DRP2: variants seen among roughly 807,000 people sequenced by gnomAD.
DRP2 encodes the protein dystrophin related protein 2.
Under a neutral mutation model 78.2 loss-of-function variants are expected in DRP2, and 29 were observed. That is an observed-to-expected ratio of 0.37 (90% CI 0.28 to 0.51). DRP2 has a LOEUF of 0.51. Ranked by LOEUF, DRP2 falls within the 20% of genes least tolerant of loss-of-function variation. DRP2 has a pLI of 0.94. For synonymous variants in DRP2, 290 were observed against 281.9 expected (o/e 1.03, Z -0.29); for missense variants, 686 against 770.6 (o/e 0.89, Z 1.30).
intron 6 of DRP2, 65 bp downstream of exon 6, chrX:101,239,166 C>T: frequency 8.9e-7 from 1 of 1,128,486 alleles, no homozygotes; most frequent in African/African-American, 1.8e-5. Flanking sequence ...TGAACAAACA[C>T]CCTCCTGCCT....
chrX:101,224,181 GGTTTTTTTTGTTTTTTTTTTTTTTTTTT>G (rs1921998094), intron 1 of DRP2, among the ~76,000 whole-genome samples: 1 of 47,654 alleles, frequency 2.1e-5, no homozygotes, highest in Non-Finnish European at 3.7e-5. Flanking sequence ...ATGTTTGCTG[GGTTTTTTTTGTTTTTTTTTTTTTTTTTT>G]TTTTTTTTTT....
chrX:101,259,050 C>T (rs989224498), intron 22 of DRP2, among the ~76,000 whole-genome samples: 5 of 111,634 alleles, frequency 4.5e-5, no homozygotes, highest in African/African-American at 1.6e-4. Flanking sequence ...GCTCTGGAGT[C>T]AGGCAGCTCT....
At chrX:101,241,147 T>C (rs764384388) in intron 6 of DRP2, among the ~76,000 whole-genome samples, 1 of 112,245 alleles carries the variant, frequency 8.9e-6, no homozygotes, top group East Asian at 2.8e-4. Flanking sequence ...TATGAGGAAA[T>C]CCTCATGATA....
intron 4 of DRP2, among the ~76,000 whole-genome samples, chrX:101,236,497 A>G (rs1922511818): frequency 8.9e-6 from 1 of 111,750 alleles, no homozygotes; most frequent in Non-Finnish European, 1.9e-5. Flanking sequence ...CGTTCTATCC[A>G]TAAGTTTTCA....
chrX:101,235,110 A>G (rs1033336798), intron 3 of DRP2, among the ~76,000 whole-genome samples: 10 of 110,821 alleles, frequency 9.0e-5, no homozygotes, highest in African/African-American at 3.3e-4. Flanking sequence ...CCCAAACCCC[A>G]CAATTACCCC....
chrX:101,253,401 CTCA>C (rs1923205388), intron 17 of DRP2, among the ~76,000 whole-genome samples: 1 of 109,451 alleles, frequency 9.1e-6, no homozygotes, highest in Non-Finnish European at 1.9e-5. Context: ...CTGCTCCCTA[CTCA>C]TCTTTATCCT....
intron 3 of DRP2, 115 bp downstream of exon 3, chrX:101,231,879 C>T: frequency 3.6e-6 from 2 of 554,169 alleles, no homozygotes. Flanking sequence ...TACATGCAAC[C>T]CCTTGGATAG....
At chrX:101,243,397 CAA>C (rs768951598) in intron 9 of DRP2, among the ~76,000 whole-genome samples, 7 of 29,127 alleles carry the variant, frequency 2.4e-4, no homozygotes, top group Admixed American at 3.8e-4. Flanking sequence ...AACTCCGTCT[CAA>C]AAAAAAAAAA....
At chrX:101,247,505 G>A (rs1340830449) in intron 12 of DRP2, among the ~76,000 whole-genome samples, 1 of 111,988 alleles carries the variant, frequency 8.9e-6, no homozygotes, top group Non-Finnish European at 1.9e-5. Context: ...CAGCAAAACT[G>A]TTGAAGCAAA....
At position 101,258,409 on chromosome X, in the gene DRP2, C is replaced by T. The variant is rs1333006621; in HGVS notation, c.2491C>T (p.Arg831Cys). 4.1e-6 allele frequency: 5 copies of T among 1,206,922 alleles called. No homozygotes were observed. Among genetic ancestry groups the T allele is most frequent in the Non-Finnish European group, 5.6e-6 (5 of 893,192 alleles). Reference sequence around the variant, plus strand: ...CTCCACTGAGGCAGCAACAGACCACCGCAATGAGGAGCTTCTGGCCGAGGC... The same window carrying T: ...CTCCACTGAGGCAGCAACAGACCACTGCAATGAGGAGCTTCTGGCCGAGGC... ...DGSTEAATDH[R>C]NEELLAEARI... Residue 831 changes from arginine to cysteine, a missense_variant, in exon 22 of 24, where the codon CGC becomes TGC. By Grantham distance (180) the Arg-to-Cys change is radical (BLOSUM62 -3). Transcript: ENST00000395209.
Position 101,254,896 on chromosome X carries a change from C to T in DRP2, c.2152C>T (p.His718Tyr). 8.3e-7 allele frequency: 1 copy of T among 1,211,981 alleles called. No homozygotes were observed. The highest frequency in any genetic ancestry group is 1.1e-6 in the Non-Finnish European group (1 of 895,607). The change falls in exon 19 of 24, where the codon CAC becomes TAC. Residue 718 changes from histidine (H) to tyrosine (Y), a missense_variant. Transcript: ENST00000395209. Reference sequence around the variant, plus strand: ...CCCGATGTGGCCACACGCCGACACACACTCCCGAATTGAGCATTTTGCCAG... The same window carrying T: ...CCCGATGTGGCCACACGCCGACACATACTCCCGAATTGAGCATTTTGCCAG... ...SSPMWPHADT[H>Y]SRIEHFASRL...
intron 6 of DRP2, among the ~76,000 whole-genome samples, chrX:101,240,198 G>A (rs1922666386): frequency 8.9e-6 from 1 of 112,302 alleles, no homozygotes; most frequent in Non-Finnish European, 1.9e-5. Flanking sequence ...AAGGCAAATT[G>A]ACTATGACTC....
At chrX:101,247,257 A>T (rs1010372801) in intron 12 of DRP2, 93 bp downstream of exon 12, 2 of 844,217 alleles carry the variant, frequency 2.4e-6, no homozygotes, top group African/African-American at 4.1e-5. Context: ...CACCTTGGCA[A>T]AGGTTGTTGA....
chrX:101,248,634 G>T (rs780939129), intron 14 of DRP2, 35 bp downstream of exon 14: 1 of 1,153,847 alleles, frequency 8.7e-7, no homozygotes, highest in South Asian at 1.8e-5. Context: ...GTGGTGTTGG[G>T]TAGAGGGAAA....
At chrX:101,236,417 C>T (rs1160125575) in intron 4 of DRP2, among the ~76,000 whole-genome samples, 1 of 111,759 alleles carries the variant, frequency 8.9e-6, no homozygotes, top group Non-Finnish European at 1.9e-5. Context: ...TGATTGCTCC[C>T]TTCTCCTCTT....
At chrX:101,243,786 G>A (rs143255090) in intron 9 of DRP2, among the ~76,000 whole-genome samples, 9 of 111,551 alleles carry the variant, frequency 8.1e-5, no homozygotes, top group Non-Finnish European at 1.7e-4. Context: ...AGCAGGGAAG[G>A]CGTGGATAGG....
At chrX:101,250,895 A>G (rs1179190470) in intron 15 of DRP2, 22 bp from the exon 16 acceptor site, 5 of 1,205,583 alleles carry the variant, frequency 4.1e-6, no homozygotes, top group South Asian at 3.6e-5. Context: ...AGTCATTCCC[A>G]TTGGTCTTCT....
chrX:101,242,892 T>C lies in DRP2; in HGVS notation c.976-12T>C. The C allele has an allele frequency of 1.7e-6, 2 of 1,208,492 alleles. No homozygotes were observed. Among genetic ancestry groups the C allele is most frequent in the Non-Finnish European group, 2.2e-6 (2 of 892,886 alleles). The stretch of plus-strand genomic sequence containing the variant: ...GAATGAATCTACTGACCTCACCCTG[T>C]TCTTTCCATAGGCGTCAGTTAGTGA... On this transcript the variant is annotated splice_polypyrimidine_tract_variant and intron_variant, in intron 8 of 23. Transcript: ENST00000395209.
At position 101,241,651 on chromosome X, in the gene DRP2, C is replaced by T; in HGVS notation, c.560-17C>T. On this transcript the variant is annotated splice_polypyrimidine_tract_variant and intron_variant, in intron 6 of 23. Coordinates refer to ENST00000395209, the MANE Select transcript of DRP2 (RefSeq NM_001939.3). ...CTGCCTGGTTGGCCTAACCTGGCTTCCTGCCTCCTCTTGCAGATACCTCCC... is the reference window on the plus strand; with the variant it reads ...CTGCCTGGTTGGCCTAACCTGGCTTTCTGCCTCCTCTTGCAGATACCTCCC... 2 of 1,208,210 alleles carry T rather than the reference C, an allele frequency of 1.7e-6. No homozygotes were observed. Among genetic ancestry groups the T allele is most frequent in the Non-Finnish European group, 2.2e-6 (2 of 892,921 alleles).
Sources: gnomAD v4.1 joint callset for allele counts (sites outside exome capture counted in the v4.1 genomes callset) on GRCh38, gnomAD v4.1.1 for gene constraint, MANE v1.5 for transcripts, NCBI Gene and HGNC (gene_info 2026-07-23, HGNC 2026-07-21) for gene names.